Variants in MTHFS observed in about 807,000 individuals in gnomAD.
MTHFS encodes methenyltetrahydrofolate synthetase.
In MTHFS, 7 loss-of-function variants were observed where a neutral mutation model predicts 12.7. That is an observed-to-expected ratio of 0.55 (90% CI 0.31 to 1.03). MTHFS has a LOEUF of 1.03. Ranked by LOEUF, MTHFS falls within the 50% of genes least tolerant of loss-of-function variation. The pLI, the probability that MTHFS is intolerant of heterozygous loss-of-function variation, is 0.05. For missense variants in MTHFS, 252 were observed against 258.1 expected (o/e 0.98, Z 0.16); for synonymous variants, 100 against 97.1 (o/e 1.03, Z -0.18).
rs1002434179 is a variant in MTHFS, at chr15:79,844,730, T to A, written c.*480A>T. ...ATTCTAGAGTGGGTAAAGGAAGTCA[T>A]GATGAAGTGAGATAATATTCTTAGG... On this transcript the variant is annotated 3_prime_UTR_variant, in exon 3 of 3. Coordinates refer to ENST00000258874, the MANE Select transcript of MTHFS (RefSeq NM_006441.4). Among the ~76,000 whole-genome samples, 4 of 152,170 alleles carry A rather than the reference T, an allele frequency of 2.6e-5. No homozygotes were observed. Among genetic ancestry groups the A allele is most frequent in the Non-Finnish European group, 5.9e-5 (4 of 68,028 alleles).
At chr15:79,859,831 A>AC (rs1254142866) in intron 2 of MTHFS, among the ~76,000 whole-genome samples, 4 of 151,800 alleles carry the variant, frequency 2.6e-5, no homozygotes, top group Non-Finnish European at 5.9e-5. Context: ...AAAAAAAAAA[A>AC]AAAAAAACCC....
At chr15:79,863,800 G>A (rs1019246272) in intron 2 of MTHFS, among the ~76,000 whole-genome samples, 5 of 152,214 alleles carry the variant, frequency 3.3e-5, no homozygotes, top group African/African-American at 1.2e-4. Flanking sequence ...CCTAATGACT[G>A]TGGGGCCTGT....
chr15:79,877,801 A>C (rs1260762607), intron 2 of MTHFS: 1 of 152,176 alleles, frequency 6.6e-6, no homozygotes, highest in East Asian at 1.9e-4. Context: ...AATAGAATGA[A>C]TGATGACTTC....
chr15:79,896,723 C>T (rs2034579054), intron 1 of MTHFS, 149 bp downstream of exon 1: 2 of 889,742 alleles, frequency 2.2e-6, no homozygotes, highest in Admixed American at 4.5e-5. Context: ...GGGGCGTGCG[C>T]GCGCCGGGAG....
chr15:79,865,862 C>A (rs1380708654), intron 2 of MTHFS, among the ~76,000 whole-genome samples: 1 of 152,188 alleles, frequency 6.6e-6, no homozygotes, highest in Non-Finnish European at 1.5e-5. Context: ...CAGTTTACTG[C>A]ATCTTTCTCA....
intron 2 of MTHFS, among the ~76,000 whole-genome samples, chr15:79,882,059 T>A (rs576371691): frequency 6.6e-6 from 1 of 152,302 alleles, no homozygotes; most frequent in Admixed American, 6.5e-5. Context: ...ATTCCAAAAT[T>A]ACAATTGCTT....
At chr15:79,869,580 G>A (rs1013375337) in intron 2 of MTHFS, among the ~76,000 whole-genome samples, 1 of 151,972 alleles carries the variant, frequency 6.6e-6, no homozygotes, top group Non-Finnish European at 1.5e-5. Context: ...GACTACAGTT[G>A]TATGCCAACA....
intron 2 of MTHFS, among the ~76,000 whole-genome samples, chr15:79,862,715 C>A (rs1323321997): frequency 6.6e-6 from 1 of 152,142 alleles, no homozygotes; most frequent in African/African-American, 2.4e-5. Flanking sequence ...TTTTAGCTAA[C>A]CCCTTCCAAA....
At chr15:79,846,495 A>G (rs2033617853) in intron 2 of MTHFS, among the ~76,000 whole-genome samples, 1 of 152,230 alleles carries the variant, frequency 6.6e-6, no homozygotes, top group Non-Finnish European at 1.5e-5. Flanking sequence ...AGAGGATCAG[A>G]CTGCCAACAT....
intron 2 of MTHFS, among the ~76,000 whole-genome samples, chr15:79,879,075 G>T (rs1281480460): frequency 6.6e-6 from 1 of 151,808 alleles, no homozygotes; most frequent in Non-Finnish European, 1.5e-5. Flanking sequence ...ATCAACAGAG[G>T]AACTAAAACA....
chr15:79,868,056 C>G (rs2034042860), intron 2 of MTHFS, among the ~76,000 whole-genome samples: 1 of 152,118 alleles, frequency 6.6e-6, no homozygotes, highest in South Asian at 2.1e-4. Context: ...TGAATTTTCT[C>G]TAAATATTTT....
intron 2 of MTHFS, among the ~76,000 whole-genome samples, chr15:79,854,938 A>G (rs1258125248): frequency 6.6e-6 from 1 of 152,202 alleles, no homozygotes; most frequent in East Asian, 1.9e-4. Flanking sequence ...TGGTGTCCCA[A>G]TACTTTACCA....
chr15:79,859,674 C>T (rs914487491), intron 2 of MTHFS, among the ~76,000 whole-genome samples: 4 of 152,168 alleles, frequency 2.6e-5, no homozygotes, highest in Middle Eastern at 3.4e-3. Flanking sequence ...AAAAATTAGC[C>T]AGGCATAATG....
At chr15:79,888,644 A>G (rs2034420387) in intron 2 of MTHFS, among the ~76,000 whole-genome samples, 1 of 152,234 alleles carries the variant, frequency 6.6e-6, no homozygotes, top group South Asian at 2.1e-4. Context: ...CAGGTGGGGC[A>G]TAAGAGAAAG....
chr15:79,871,407 AG>A (rs2034102697), intron 2 of MTHFS, among the ~76,000 whole-genome samples: 1 of 152,224 alleles, frequency 6.6e-6, no homozygotes, highest in Non-Finnish European at 1.5e-5. Context: ...TCCCAAAAAA[AG>A]AGGACAGACT....
chr15:79,886,970 G>A (rs1279941546), intron 2 of MTHFS, among the ~76,000 whole-genome samples: 2 of 152,166 alleles, frequency 1.3e-5, no homozygotes, highest in Admixed American at 6.5e-5. Flanking sequence ...GCCGGGCACG[G>A]TGGCCTGTAA....
intron 2 of MTHFS, among the ~76,000 whole-genome samples, chr15:79,851,383 GAT>G (rs1263964777): frequency 6.6e-6 from 1 of 152,082 alleles, no homozygotes; most frequent in Non-Finnish European, 1.5e-5. Context: ...GACAGTGAAG[GAT>G]ATAAGGGATA....
chr15:79,891,725 A>T (rs2733108), intron 1 of MTHFS, among the ~76,000 whole-genome samples: 133,215 of 152,120 alleles, frequency 0.88, 58,488 homozygotes, highest in East Asian at 1. Flanking sequence ...CCCAGCACTT[A>T]GGGAGGTGGA....
chr15:79,889,314 G>C lies in MTHFS; in HGVS notation c.158C>G (p.Ser53Cys). 8 of 1,614,070 alleles carry C rather than the reference G, an allele frequency of 5.0e-6. No individual in the cohort carries two copies. Among genetic ancestry groups the C allele is most frequent in the Non-Finnish European group, 6.8e-6 (8 of 1,180,012 alleles). The part of the protein sequence containing the change: ...HSEYQKSKRI[S>C]IFLSMQDEIE... ...TTCATCTTGCATGCTCAGAAAGATG[G>C]AAATTCTTTTGGACTTTTGATACTC... Residue 53 changes from serine (S) to cysteine (C), a missense_variant, in exon 2 of 3, where the codon TCC becomes TGC. By Grantham distance (112) the Ser-to-Cys change is moderately radical (BLOSUM62 -1). Coordinates refer to ENST00000258874, the MANE Select transcript of MTHFS (RefSeq NM_006441.4).
Sources: gnomAD v4.1 joint callset for allele counts (sites outside exome capture counted in the v4.1 genomes callset) on GRCh38, gnomAD v4.1.1 for gene constraint, MANE v1.5 for transcripts, NCBI Gene and HGNC (gene_info 2026-07-23, HGNC 2026-07-21) for gene names.